GRID2: variants seen among roughly 807,000 people sequenced by gnomAD.
GRID2 encodes glutamate ionotropic receptor delta type subunit 2.
A neutral mutation model predicts 114.8 loss-of-function variants in GRID2; 33 were observed. That is an observed-to-expected ratio of 0.29 (90% CI 0.22 to 0.38). The LOEUF (loss-of-function observed/expected upper bound fraction) is 0.38. Ranked by LOEUF, GRID2 falls within the 10% of genes least tolerant of loss-of-function variation. GRID2 has a pLI of 1.00. For synonymous variants in GRID2, 505 were observed against 449.9 expected (o/e 1.12, Z -1.55); for missense variants, 1,184 against 1,257.7 (o/e 0.94, Z 0.89).
At chr4:93,697,325 T>G (rs1454995245) in intron 14 of GRID2, among the ~76,000 whole-genome samples, 1 of 152,148 alleles carries the variant, frequency 6.6e-6, no homozygotes, top group Non-Finnish European at 1.5e-5. Flanking sequence ...ATGGTTGAAG[T>G]TGATTGGCTT....
intron 5 of GRID2, among the ~76,000 whole-genome samples, chr4:93,208,817 G>C (rs994011): frequency 0.46 from 69,645 of 151,710 alleles, 17,283 homozygotes; most frequent in Middle Eastern, 0.68. Flanking sequence ...TACGTATCTG[G>C]AGGTCTGCTT....
chr4:92,916,595 G>A (rs910985075), intron 2 of GRID2, among the ~76,000 whole-genome samples: 22 of 151,914 alleles, frequency 1.4e-4, no homozygotes, highest in Non-Finnish European at 2.1e-4. Context: ...CCACCTATGA[G>A]TGAGAACATG....
intron 8 of GRID2, among the ~76,000 whole-genome samples, chr4:93,280,967 C>G (rs919177030): frequency 6.6e-6 from 1 of 151,676 alleles, no homozygotes; most frequent in African/African-American, 2.4e-5. Flanking sequence ...AAATCCCTAC[C>G]CTGGGGATGT....
chr4:92,631,014 GA>G (rs747536898), intron 2 of GRID2, among the ~76,000 whole-genome samples: 458 of 138,670 alleles, frequency 3.3e-3, no homozygotes, highest in East Asian at 7.7e-3. Flanking sequence ...AGTATAATGA[GA>G]AAAAAAAAAA....
chr4:92,412,809 A>T (rs1731403123), intron 1 of GRID2, among the ~76,000 whole-genome samples: 1 of 152,188 alleles, frequency 6.6e-6, no homozygotes, highest in African/African-American at 2.4e-5. Flanking sequence ...ATCTGTTTAC[A>T]CCTGTTTTTC....
intron 13 of GRID2, among the ~76,000 whole-genome samples, chr4:93,520,030 C>A (rs1364007099): frequency 6.6e-6 from 1 of 152,082 alleles, no homozygotes; most frequent in Non-Finnish European, 1.5e-5. Flanking sequence ...CAATATGGGC[C>A]AGTGTCATGG....
At chr4:92,559,124 C>G (rs998682975) in intron 1 of GRID2, among the ~76,000 whole-genome samples, 1 of 151,948 alleles carries the variant, frequency 6.6e-6, no homozygotes, top group Non-Finnish European at 1.5e-5. Context: ...TCCTATTTTG[C>G]TTAATTTAAT....
chr4:92,582,270 C>A (rs1728219608), intron 1 of GRID2, among the ~76,000 whole-genome samples: 1 of 151,826 alleles, frequency 6.6e-6, no homozygotes, highest in Non-Finnish European at 1.5e-5. Flanking sequence ...GCAACAACAA[C>A]AACAAAACTC....
At chr4:92,520,420 T>A (rs1337086440) in intron 1 of GRID2, among the ~76,000 whole-genome samples, 1 of 151,952 alleles carries the variant, frequency 6.6e-6, no homozygotes, top group Admixed American at 6.6e-5. Flanking sequence ...TCCTCATTTT[T>A]GTAACTGTTC....
At chr4:93,399,700 C>G (rs1765696101) in intron 9 of GRID2, among the ~76,000 whole-genome samples, 1 of 152,012 alleles carries the variant, frequency 6.6e-6, no homozygotes, top group Non-Finnish European at 1.5e-5. Flanking sequence ...CTGCCAATAC[C>G]AAAATCAGGC....
intron 2 of GRID2, among the ~76,000 whole-genome samples, chr4:92,949,101 G>C (rs1472725682): frequency 2.0e-5 from 3 of 151,268 alleles, no homozygotes; most frequent in Non-Finnish European, 4.4e-5. Flanking sequence ...AAGATCTGGA[G>C]GCATCCTTGT....
chr4:93,628,735 G>T (rs1742963707), intron 14 of GRID2, among the ~76,000 whole-genome samples: 1 of 150,404 alleles, frequency 6.6e-6, no homozygotes, highest in African/African-American at 2.4e-5. Context: ...CATTGCTAAA[G>T]ATGTTCTTGC....
intron 8 of GRID2, among the ~76,000 whole-genome samples, chr4:93,297,011 A>G (rs376850155): frequency 6.6e-6 from 1 of 152,188 alleles, no homozygotes; most frequent in East Asian, 1.9e-4. Context: ...TTAAAAAACC[A>G]ATTCCCATGT....
chr4:92,574,949 A>G (rs1353870548), intron 1 of GRID2, among the ~76,000 whole-genome samples: 1 of 152,140 alleles, frequency 6.6e-6, no homozygotes, highest in African/African-American at 2.4e-5. Context: ...TATCTCTTTC[A>G]GGTACCCCAA....
Position 92,595,054 on chromosome 4 carries a change from C to A in GRID2, c.244+4768C>A, listed in dbSNP as rs182761245. On this transcript the variant is annotated intron_variant, in intron 2 of 15. Transcript: ENST00000282020. Reference sequence around the variant, plus strand: ...ATGTATTAAGAAGGAAGTGAAGCATCATTCTTTGATATTTAATGACAAGAT... The same window carrying A: ...ATGTATTAAGAAGGAAGTGAAGCATAATTCTTTGATATTTAATGACAAGAT... 3.6e-3 allele frequency among the ~76,000 whole-genome samples: 546 copies of A among 151,948 alleles called. 1 individual carries two copies. Among genetic ancestry groups the A allele is most frequent in the African/African-American group, 0.013 (529 of 41,494 alleles).
At chr4:93,802,777 T>A (rs1256652124) in intron 1 of GRID2, among the ~76,000 whole-genome samples, 1 of 152,186 alleles carries the variant, frequency 6.6e-6, no homozygotes, top group African/African-American at 2.4e-5. Flanking sequence ...ATGATAAATT[T>A]AAAAAAACCA....
chr4:93,746,923 C>T (rs1489216757), intron 14 of GRID2, among the ~76,000 whole-genome samples: 1 of 151,976 alleles, frequency 6.6e-6, no homozygotes, highest in Non-Finnish European at 1.5e-5. Flanking sequence ...GCAAATGTCA[C>T]AGATTTTTTA....
At chr4:92,805,507 A>T (rs1208281637) in intron 2 of GRID2, among the ~76,000 whole-genome samples, 3 of 152,088 alleles carry the variant, frequency 2.0e-5, no homozygotes, top group Non-Finnish European at 4.4e-5. Context: ...TTACAAATGT[A>T]TATGATCAGC....
At chr4:92,337,064 T>A (rs1727223869) in intron 1 of GRID2, among the ~76,000 whole-genome samples, 1 of 148,430 alleles carries the variant, frequency 6.7e-6, no homozygotes. Context: ...ATGTCTCTCA[T>A]GCTACTATAT....
Sources: gnomAD v4.1 joint callset for allele counts (sites outside exome capture counted in the v4.1 genomes callset) on GRCh38, gnomAD v4.1.1 for gene constraint, MANE v1.5 for transcripts, NCBI Gene and HGNC (gene_info 2026-07-23, HGNC 2026-07-21) for gene names.